Variants in NOL8 observed in about 807,000 individuals in gnomAD.
NOL8 encodes nucleolar protein Nop132.
Under a neutral mutation model 116.1 loss-of-function variants are expected in NOL8, and 93 were observed. The observed-to-expected ratio is 0.80, with a 90% CI of 0.68 to 0.95. The LOEUF (loss-of-function observed/expected upper bound fraction) is 0.95. Among genes scored for constraint, NOL8 ranks in the 40% least tolerant of loss-of-function variants. The pLI, the probability that NOL8 is intolerant of heterozygous loss-of-function variation, is 0.00. For synonymous variants in NOL8, 419 were observed against 469.0 expected (o/e 0.89, Z 1.38); for missense variants, 1,291 against 1,382.8 (o/e 0.93, Z 1.05).
At chr9:92,302,297 T>C (rs1837822195) in intron 12 of NOL8, among the ~76,000 whole-genome samples, 1 of 152,214 alleles carries the variant, frequency 6.6e-6, no homozygotes, top group Admixed American at 6.5e-5. Flanking sequence ...GAAATGAAAT[T>C]TTTATATTAC....
Position 92,310,651 on chromosome 9 carries a change from TCCC to T in NOL8, c.2494_2496del (p.Gly832del). The T allele has an allele frequency of 6.2e-7, 1 of 1,611,044 alleles. No individual in the cohort carries two copies. Among genetic ancestry groups the T allele is most frequent in the Non-Finnish European group, 8.5e-7 (1 of 1,178,870 alleles). ...TCATCATCACTGCTATCAAACAGCT[TCCC>T]TGATGTTTTACCCATAGACTCCTGT... On this transcript the variant is annotated inframe_deletion, in exon 9 of 17. Transcript: ENST00000442668.
chr9:92,300,622 T>G, intron 13 of NOL8: 1 of 999,912 alleles, frequency 1.0e-6, no homozygotes, highest in Non-Finnish European at 1.2e-6. Flanking sequence ...AAAACTATCG[T>G]TACTATTTAC....
At position 92,315,881 on chromosome 9, in the gene NOL8, T is replaced by G; in HGVS notation, c.744A>C (p.Leu248Phe). The G allele has an allele frequency of 6.2e-7, 1 of 1,613,914 alleles. No individual in the cohort carries two copies. Among genetic ancestry groups the G allele is most frequent in the Non-Finnish European group, 8.5e-7 (1 of 1,179,872 alleles). Residue 248 changes from leucine (L) to phenylalanine (F), a missense_variant, in exon 7 of 17, where the codon TTA becomes TTC. Transcript: ENST00000442668. Reference sequence around the variant, plus strand: ...TTTTTTGTGCAGCCTGTTGCTGTGTTAAGGGTGGTCTCTCTATTACCCTCC... The same window carrying G: ...TTTTTTGTGCAGCCTGTTGCTGTGTGAAGGGTGGTCTCTCTATTACCCTCC... ...RPRRVIERPP[L>F]TQQQAAQKRT...
intron 6 of NOL8, 84 bp downstream of exon 6, chr9:92,318,534 T>G: frequency 1.0e-6 from 1 of 966,714 alleles, no homozygotes; most frequent in Non-Finnish European, 1.6e-6. Flanking sequence ...AAAGATTCAC[T>G]GATAAGAGAC....
At chr9:92,312,299 C>G (rs145368104) in intron 7 of NOL8, among the ~76,000 whole-genome samples, 1 of 150,488 alleles carries the variant, frequency 6.6e-6, no homozygotes, top group East Asian at 2.0e-4. Flanking sequence ...TACAAAAACA[C>G]AAAAATTAGC....
chr9:92,323,923 G>T, intron 2 of NOL8, 100 bp downstream of exon 2: 1 of 1,273,226 alleles, frequency 7.9e-7, no homozygotes, highest in South Asian at 1.6e-5. Context: ...TAAAACTTTT[G>T]GTGTTCAGAG....
intron 6 of NOL8, among the ~76,000 whole-genome samples, chr9:92,317,215 C>T (rs1243391608): frequency 6.6e-6 from 1 of 152,224 alleles, no homozygotes; most frequent in African/African-American, 2.4e-5. Context: ...CCCCAGTGGC[C>T]TCCCAAAGTG....
intron 7 of NOL8, among the ~76,000 whole-genome samples, chr9:92,311,948 C>T (rs535236243): frequency 2.6e-5 from 4 of 152,288 alleles, no homozygotes; most frequent in South Asian, 4.1e-4. Flanking sequence ...CGAAATCAAC[C>T]TAGATGCCCA....
In NOL8 at chr9:92,297,734, C is replaced by T. The variant is rs1045448511; in HGVS notation, c.*102G>A. 2.4e-6 allele frequency: 2 copies of T among 843,018 alleles called. No individual in the cohort carries two copies. The highest frequency in any genetic ancestry group is 3.6e-6 in the Non-Finnish European group (2 of 553,976). 52.2% of individuals were successfully genotyped at this position (843,018 alleles called of 1,614,324 possible). On this transcript the variant is annotated 3_prime_UTR_variant, in exon 17 of 17. Coordinates refer to ENST00000442668, the MANE Select transcript of NOL8 (RefSeq NM_017948.6). ...TCCGTCAGCCAGATTTTTAAAATTC[C>T]TTCACTCTGAAATTTCTTCTTTGTC...
chr9:92,298,891 T>G lies in NOL8; in HGVS notation c.3366A>C (p.Arg1122=). ...RFFFFSKNDE[R]LQGSDLFWRG... is the part of the protein sequence containing the mutation. ...TGAAAAAAATGGACTGACCTTGAAGTCGTTCATCATTCTTAGAGAAAAAGA... is the reference window on the plus strand; with the variant it reads ...TGAAAAAAATGGACTGACCTTGAAGGCGTTCATCATTCTTAGAGAAAAAGA... Residue 1122 remains arginine, a synonymous_variant, in exon 15 of 17, where the codon CGA becomes CGC. Transcript: ENST00000442668. 8 of 1,526,656 alleles carry G rather than the reference T, an allele frequency of 5.2e-6. No homozygotes were observed. The highest frequency in any genetic ancestry group is 6.2e-6 in the Non-Finnish European group (7 of 1,131,068). 94.6% of individuals were successfully genotyped at this position (1,526,656 alleles called of 1,614,324 possible). A position where few individuals can be genotyped will look rare whatever the true frequency, so the allele number is the denominator to read the frequency against.
intron 12 of NOL8, among the ~76,000 whole-genome samples, chr9:92,303,536 C>A (rs1161534290): frequency 6.6e-6 from 1 of 152,120 alleles, no homozygotes; most frequent in Non-Finnish European, 1.5e-5. Flanking sequence ...GATGGTCTGG[C>A]CTGCAAAGTC....
chr9:92,299,271 C>T (rs1296937232), intron 14 of NOL8, among the ~76,000 whole-genome samples: 1 of 152,158 alleles, frequency 6.6e-6, no homozygotes, highest in Admixed American at 6.5e-5. Flanking sequence ...ATTGCTACCC[C>T]ATTTGCCAGT....
chr9:92,305,069 T>C (rs997605892), intron 12 of NOL8, among the ~76,000 whole-genome samples: 1 of 151,904 alleles, frequency 6.6e-6, no homozygotes, highest in African/African-American at 2.4e-5. Context: ...GCTATGTCCA[T>C]GTCCTAATTC....
At chr9:92,306,838 T>A (rs765512652) in intron 11 of NOL8, 48 bp downstream of exon 11, 2 of 1,563,550 alleles carry the variant, frequency 1.3e-6, no homozygotes, top group Non-Finnish European at 1.7e-6. Flanking sequence ...AAGAAGACAT[T>A]TATGGCAAAG....
intron 3 of NOL8, chr9:92,323,137 T>C (rs1840059277): frequency 2.5e-6 from 1 of 397,444 alleles, no homozygotes; most frequent in Admixed American, 4.0e-5. Flanking sequence ...AGGGGGAATG[T>C]GGCATGATAT....
rs4298540 is a variant in NOL8, at chr9:92,297,551, G to C, written c.*285C>G. 10,502 of 299,174 alleles carry C rather than the reference G, an allele frequency of 0.035. 272 individuals carry two copies. Among genetic ancestry groups the C allele is most frequent in the South Asian group, 0.072 (922 of 12,738 alleles). 18.5% of individuals were successfully genotyped at this position (299,174 alleles called of 1,614,324 possible). A position where few individuals can be genotyped will look rare whatever the true frequency, so the allele number is the denominator to read the frequency against. Reference sequence around the variant, plus strand: ...ACCTTGCATGAGAAGATGTCCATTAGTTACTCAGGATAGAGGGCAAAGAGA... The same window carrying C: ...ACCTTGCATGAGAAGATGTCCATTACTTACTCAGGATAGAGGGCAAAGAGA... On this transcript the variant is annotated 3_prime_UTR_variant, in exon 17 of 17. Coordinates refer to ENST00000442668, the MANE Select transcript of NOL8 (RefSeq NM_017948.6).
intron 16 of NOL8, 60 bp downstream of exon 16, chr9:92,298,197 G>A (rs529593284): frequency 7.7e-7 from 1 of 1,299,250 alleles, no homozygotes; most frequent in East Asian, 2.5e-5. Context: ...TTCCAGGACT[G>A]TAATTCTAGA....
chr9:92,306,618 T>C lies in NOL8; in HGVS notation c.2825+268A>G, dbSNP rs563811151. 9.8e-5 allele frequency among the ~76,000 whole-genome samples: 15 copies of C among 152,324 alleles called. No homozygotes were observed. In the South Asian group the frequency reaches 1.5e-3, roughly 15 times the overall value. On this transcript the variant is annotated intron_variant, in intron 11 of 16. Transcript: ENST00000442668. ...AACAGTTACGTTTATATAAATACTT[T>C]TACAGTTACTATTTAAACTGTTTCC...
chr9:92,313,280 G>A (rs1839020723), intron 7 of NOL8, among the ~76,000 whole-genome samples: 2 of 152,204 alleles, frequency 1.3e-5, no homozygotes, highest in East Asian at 1.9e-4. Context: ...GGTTACAGAC[G>A]GAGCCGTTCG....
Sources: allele counts gnomAD v4.1 joint callset (sites outside exome capture counted in the v4.1 genomes callset), GRCh38; gene constraint gnomAD v4.1.1; transcripts MANE v1.5; gene names NCBI Gene and HGNC (gene_info 2026-07-23, HGNC 2026-07-21).